Variants in UNC13C observed in about 807,000 individuals in gnomAD.
UNC13C encodes the protein unc-13 homolog C, also known as protein unc-13 homolog C.
UNC13C carries 174 observed loss-of-function variants against 245.4 expected under a neutral mutation model. The ratio of observed to expected loss-of-function variants is 0.71; its 90% CI spans 0.63 to 0.80. The LOEUF is 0.80. Ranked by LOEUF, UNC13C falls within the 30% of genes least tolerant of loss-of-function variation. The pLI, the probability that UNC13C is intolerant of heterozygous loss-of-function variation, is 0.00. For missense variants in UNC13C, 2,829 were observed against 2,602.9 expected, an observed-to-expected ratio of 1.09 and a Z score of -1.89; for synonymous variants, 992 against 895.1, an observed-to-expected ratio of 1.11 and a Z score of -1.93.
chr15:54,138,340 A>G (rs2031837436), intron 2 of UNC13C, among the ~76,000 whole-genome samples: 1 of 152,156 alleles, frequency 6.6e-6, no homozygotes, highest in South Asian at 2.1e-4. Context: ...CTTGGAAAAT[A>G]TAAGAGAATA....
chr15:54,094,732 A>G (rs146693930), intron 2 of UNC13C, among the ~76,000 whole-genome samples: 96 of 152,240 alleles, frequency 6.3e-4, no homozygotes, highest in African/African-American at 2.3e-3. Context: ...ACAAAAATCT[A>G]TTAAAGTTTT....
At chr15:54,180,542 G>T (rs1397182948) in intron 4 of UNC13C, among the ~76,000 whole-genome samples, 1 of 152,016 alleles carries the variant, frequency 6.6e-6, no homozygotes, top group Non-Finnish European at 1.5e-5. Flanking sequence ...GGGTCAAATG[G>T]CAGTTCTGCT....
At position 54,159,003 on chromosome 15, in the gene UNC13C, T is replaced by C. The variant is rs79714251; in HGVS notation, c.3071+15319T>C. Among the ~76,000 whole-genome samples, 3 of 152,266 alleles carry C rather than the reference T, an allele frequency of 2.0e-5. No homozygotes were observed. The East Asian group carries it at 5.8e-4, about 29-fold the overall frequency. ...AGACCAGCCTTTTTTCTTCCTATTA[T>C]TGCAAACTGGGACATGGGCAGGATT... On this transcript the variant is annotated intron_variant, in intron 4 of 32. Transcript: ENST00000260323.
At chr15:53,924,507 CAG>C in the UNC13C span, among the ~76,000 whole-genome samples, 3 of 152,198 alleles carry the variant, frequency 2.0e-5, no homozygotes, top group East Asian at 5.8e-4. Context: ...GAAATAATGA[CAG>C]AGCAAATTAA....
At chr15:54,236,271 A>G (rs752880841) in intron 5 of UNC13C, among the ~76,000 whole-genome samples, 159 bp from the exon 6 acceptor site, 1 of 152,202 alleles carries the variant, frequency 6.6e-6, no homozygotes, top group Non-Finnish European at 1.5e-5. Flanking sequence ...CTTATACTGG[A>G]AAGTATAACA....
the UNC13C span, among the ~76,000 whole-genome samples, chr15:53,846,588 G>C: frequency 6.6e-6 from 1 of 151,966 alleles, no homozygotes; most frequent in Non-Finnish European, 1.5e-5. Flanking sequence ...ATTTTTGTAG[G>C]CTACTCATAC....
At chr15:53,900,200 A>T in the UNC13C span, among the ~76,000 whole-genome samples, 1 of 151,934 alleles carries the variant, frequency 6.6e-6, no homozygotes, top group African/African-American at 2.4e-5. Flanking sequence ...AGGAATTATA[A>T]TTTTTTAGTA....
chr15:54,127,272 A>C (rs556633436), intron 2 of UNC13C, among the ~76,000 whole-genome samples: 8 of 152,208 alleles, frequency 5.3e-5, no homozygotes, highest in Non-Finnish European at 1.0e-4. Context: ...TTATTGTAGC[A>C]CTGTTCATGA....
At chr15:54,266,725 C>T (rs1327570926) in intron 10 of UNC13C, among the ~76,000 whole-genome samples, 1 of 152,014 alleles carries the variant, frequency 6.6e-6, no homozygotes, top group Non-Finnish European at 1.5e-5. Flanking sequence ...TGTGTACCTC[C>T]TGTCACTACA....
intron 19 of UNC13C, among the ~76,000 whole-genome samples, chr15:54,482,615 A>G (rs1893183299): frequency 2.1e-5 from 2 of 95,616 alleles, no homozygotes; most frequent in African/African-American, 8.1e-5. Flanking sequence ...TCCCTGCTGA[A>G]TTCCACTGTT....
At chr15:53,853,888 A>G in the UNC13C span, among the ~76,000 whole-genome samples, 1 of 151,918 alleles carries the variant, frequency 6.6e-6, no homozygotes, top group South Asian at 2.1e-4. Context: ...TAGACTCTGG[A>G]TATTAGACCT....
chr15:54,195,234 CTACACTCTAAGAA>C (rs956864635), intron 4 of UNC13C, among the ~76,000 whole-genome samples: 2 of 152,154 alleles, frequency 1.3e-5, no homozygotes, highest in Admixed American at 1.3e-4. Context: ...GGAAAAAAGC[CTACACTCTAAGAA>C]GGAGCCAGGT....
At chr15:53,929,173 T>G in the UNC13C span, among the ~76,000 whole-genome samples, 4 of 152,084 alleles carry the variant, frequency 2.6e-5, no homozygotes, top group Non-Finnish European at 5.9e-5. Flanking sequence ...CAAGAGAGCT[T>G]GTGTAGGGGA....
At chr15:54,406,891 A>G (rs919180130) in intron 18 of UNC13C, among the ~76,000 whole-genome samples, 2 of 152,204 alleles carry the variant, frequency 1.3e-5, no homozygotes, top group Non-Finnish European at 2.9e-5. Context: ...ATTATCTCAT[A>G]GAAATTAAGA....
At chr15:54,231,839 C>T (rs1239401038) in intron 4 of UNC13C, among the ~76,000 whole-genome samples, 1 of 152,064 alleles carries the variant, frequency 6.6e-6, no homozygotes, top group African/African-American at 2.4e-5. Flanking sequence ...TCTTGTTCAT[C>T]AAGTCTAGAC....
intron 1 of UNC13C, among the ~76,000 whole-genome samples, chr15:54,002,459 A>G (rs1217969693): frequency 6.6e-6 from 1 of 152,156 alleles, no homozygotes; most frequent in Non-Finnish European, 1.5e-5. Context: ...ATTAATCCAA[A>G]TAAGAGACAG....
At chr15:54,416,855 ATCATTGATTCCT>A (rs1371529878) in intron 19 of UNC13C, 1 of 455,516 alleles carries the variant, frequency 2.2e-6, no homozygotes, top group African/African-American at 2.0e-5. Flanking sequence ...CTTACGGGTT[ATCATTGATTCCT>A]TTATTGTCTT....
intron 4 of UNC13C, among the ~76,000 whole-genome samples, chr15:54,145,405 T>C (rs1056770475): frequency 3.3e-5 from 5 of 152,148 alleles, no homozygotes; most frequent in African/African-American, 1.2e-4. Context: ...CAAATAGAAG[T>C]GATTAAGATG....
At chr15:53,851,060 T>C in the UNC13C span, among the ~76,000 whole-genome samples, 974 of 152,174 alleles carry the variant, frequency 6.4e-3, 6 homozygotes, top group Non-Finnish European at 9.6e-3. Flanking sequence ...CTATTTCTCT[T>C]ATTATTTAAA....
Sources: allele counts gnomAD v4.1 joint callset (sites outside exome capture counted in the v4.1 genomes callset), GRCh38; gene constraint gnomAD v4.1.1; transcripts MANE v1.5; gene names NCBI Gene and HGNC (gene_info 2026-07-23, HGNC 2026-07-21).